MACROD2: variants seen among roughly 807,000 people sequenced by gnomAD.
The protein encoded by MACROD2 is ADP-ribose glycohydrolase MACROD2.
In MACROD2, 36 loss-of-function variants were observed where a neutral mutation model predicts 70.4. The observed-to-expected ratio is 0.51, with a 90% CI of 0.39 to 0.68. MACROD2 has a LOEUF of 0.68. MACROD2 is among the 30% of genes least tolerant of loss of function. The probability of loss-of-function intolerance (pLI) is 0.00; values close to 1 mark genes in which losing one functional copy is unlikely to be tolerated. For synonymous variants in MACROD2, 172 were observed against 178.8 expected (o/e 0.96, Z 0.30); for missense variants, 496 against 538.4 (o/e 0.92, Z 0.78).
intron 5 of MACROD2, among the ~76,000 whole-genome samples, chr20:15,017,758 A>T (rs1045956900): frequency 2.6e-5 from 4 of 152,196 alleles, no homozygotes; most frequent in African/African-American, 9.6e-5. Context: ...CCACATGGAA[A>T]CTGCCAAAGC....
chr20:16,041,816 G>T (rs888961704), intron 16 of MACROD2, among the ~76,000 whole-genome samples: 3 of 151,942 alleles, frequency 2.0e-5, no homozygotes, highest in Admixed American at 6.6e-5. Flanking sequence ...ATCTAATTTT[G>T]TAGGCATCTA....
chr20:14,314,985 AG>A (rs2082600825), intron 3 of MACROD2, among the ~76,000 whole-genome samples: 1 of 152,138 alleles, frequency 6.6e-6, no homozygotes. Context: ...AAGCAAACCT[AG>A]GTCTGTCTAA....
intron 4 of MACROD2, among the ~76,000 whole-genome samples, chr20:14,561,671 T>C (rs1979440722): frequency 6.6e-6 from 1 of 151,844 alleles, no homozygotes; most frequent in African/African-American, 2.4e-5. Context: ...CTTGTAAATA[T>C]TGCATTCATG....
intron 5 of MACROD2, among the ~76,000 whole-genome samples, chr20:15,148,486 C>G (rs942439996): frequency 2.6e-5 from 4 of 151,984 alleles, no homozygotes; most frequent in African/African-American, 9.7e-5. Flanking sequence ...TTGGGGATAG[C>G]ATCAGGAGGT....
chr20:15,645,470 T>C (rs538650785), intron 8 of MACROD2, among the ~76,000 whole-genome samples: 2 of 152,326 alleles, frequency 1.3e-5, no homozygotes, highest in Non-Finnish European at 2.9e-5. Flanking sequence ...TGGAGGAGTT[T>C]TCTCTGCAAA....
At chr20:16,047,001 A>C (rs2067392226) in intron 17 of MACROD2, among the ~76,000 whole-genome samples, 1 of 152,180 alleles carries the variant, frequency 6.6e-6, no homozygotes, top group Non-Finnish European at 1.5e-5. Context: ...GTTTAAGGAA[A>C]CTAAATTCCA....
At chr20:15,825,810 G>A (rs2063991555) in intron 8 of MACROD2, among the ~76,000 whole-genome samples, 1 of 151,950 alleles carries the variant, frequency 6.6e-6, no homozygotes, top group Non-Finnish European at 1.5e-5. Flanking sequence ...TTTCTTTTTG[G>A]CATGATGGCT....
intron 5 of MACROD2, among the ~76,000 whole-genome samples, chr20:15,129,224 T>C (rs2123270901): frequency 6.6e-6 from 1 of 152,192 alleles, no homozygotes; most frequent in African/African-American, 2.4e-5. Context: ...TTGAAGAAAC[T>C]GGAAATATAT....
intron 2 of MACROD2, among the ~76,000 whole-genome samples, chr20:14,049,528 G>A (rs1601159134): frequency 6.7e-6 from 1 of 148,640 alleles, no homozygotes; most frequent in Non-Finnish European, 1.5e-5. Flanking sequence ...ATCACCTGAG[G>A]TCAGGAGTTC....
At chr20:14,274,173 C>G (rs6042639) in intron 3 of MACROD2, among the ~76,000 whole-genome samples, 4 of 151,920 alleles carry the variant, frequency 2.6e-5, no homozygotes, top group African/African-American at 9.7e-5. Flanking sequence ...GATACCAAAG[C>G]TGGGCAGAGA....
At chr20:14,163,441 A>T (rs1948114923) in intron 3 of MACROD2, among the ~76,000 whole-genome samples, 1 of 151,676 alleles carries the variant, frequency 6.6e-6, no homozygotes, top group South Asian at 2.1e-4. Flanking sequence ...GTCCCTTTTG[A>T]GTTGTATCTG....
chr20:13,995,908 C>G lies in MACROD2; in HGVS notation c.46+99C>G. 2 of 1,396,766 alleles carry G rather than the reference C, an allele frequency of 1.4e-6. No homozygotes were observed. The highest frequency in any genetic ancestry group is 2.0e-6 in the Non-Finnish European group (2 of 1,012,056). 86.5% of individuals were successfully genotyped at this position (1,396,766 alleles called of 1,614,324 possible). A position where few individuals can be genotyped will look rare whatever the true frequency, so the allele number is the denominator to read the frequency against. ...CCGCGGCGCCCTCCGCCCGAGCTCC[C>G]GCCTCGCGCCCTCCCGGCCGGTGCC... On this transcript the variant is annotated intron_variant, in intron 1 of 17. Transcript: ENST00000684519. The surrounding 1 kb of genome is among the most constrained non-coding windows in gnomAD (Gnocchi z 4.3).
chr20:15,389,085 AG>A (rs2045757762), intron 6 of MACROD2, among the ~76,000 whole-genome samples: 1 of 152,294 alleles, frequency 6.6e-6, no homozygotes, highest in East Asian at 1.9e-4. Context: ...TGTGGATACT[AG>A]CCAGATTTGG....
rs148373785 is a variant in MACROD2 at position 15,241,123 on chromosome 20, G to A, written c.540+11062G>A. Among the ~76,000 whole-genome samples, 12 of 152,302 alleles carry A rather than the reference G, an allele frequency of 7.9e-5. 1 individual carries two copies. In the East Asian group the frequency reaches 2.3e-3, roughly 29 times the overall value. On this transcript the variant is annotated intron_variant, in intron 6 of 17. Coordinates refer to ENST00000684519, the MANE Select transcript of MACROD2 (RefSeq NM_001351661.2). ...AACTTAAATGTTTAAATATATAAAA[G>A]AGAATGATAGATTATAACAGTATGT...
intron 4 of MACROD2, among the ~76,000 whole-genome samples, chr20:14,567,782 A>G (rs151232187): frequency 2.2e-4 from 34 of 152,198 alleles, no homozygotes; most frequent in African/African-American, 7.5e-4. Context: ...AAAAGGGAGT[A>G]TTCATTCCAG....
At chr20:14,899,215 C>T (rs1428162725) in intron 5 of MACROD2, among the ~76,000 whole-genome samples, 1 of 152,186 alleles carries the variant, frequency 6.6e-6, no homozygotes, top group Non-Finnish European at 1.5e-5. Flanking sequence ...ATTTTAAAAT[C>T]AGTGTCACTT....
chr20:15,170,744 A>G (rs1338995203), intron 5 of MACROD2, among the ~76,000 whole-genome samples: 1 of 152,230 alleles, frequency 6.6e-6, no homozygotes, highest in Non-Finnish European at 1.5e-5. Flanking sequence ...TACAAGCCCC[A>G]AAGAACAGTG....
At chr20:15,303,362 A>T (rs2077665137) in intron 6 of MACROD2, among the ~76,000 whole-genome samples, 1 of 152,066 alleles carries the variant, frequency 6.6e-6, no homozygotes, top group Non-Finnish European at 1.5e-5. Context: ...GGAACACAAC[A>T]TTCCCATCTG....
At chr20:14,286,963 G>T (rs115744007) in intron 3 of MACROD2, among the ~76,000 whole-genome samples, 2,234 of 152,160 alleles carry the variant, frequency 0.015, 48 homozygotes, top group African/African-American at 0.051. Flanking sequence ...CCTACTCCAT[G>T]ACCTAAGTCT....
Sources: allele counts gnomAD v4.1 joint callset (sites outside exome capture counted in the v4.1 genomes callset), GRCh38; gene constraint gnomAD v4.1.1; non-coding constraint Gnocchi (gnomAD v3.1); transcripts MANE v1.5; gene names NCBI Gene and HGNC (gene_info 2026-07-23, HGNC 2026-07-21).